The following KRIT1 variants were observed in gnomAD, a reference collection of about 807,000 sequenced individuals.
KRIT1 encodes the protein krev interaction trapped protein 1.
Under a neutral mutation model 95.8 loss-of-function variants are expected in KRIT1, and 45 were observed. The ratio of observed to expected loss-of-function variants is 0.47; its 90% confidence interval spans 0.37 to 0.60. The LOEUF (loss-of-function observed/expected upper bound fraction) is 0.60. KRIT1 is among the 20% of genes least tolerant of loss of function. The pLI, the probability that KRIT1 is intolerant of heterozygous loss-of-function variation, is 0.00. For missense variants in KRIT1, 788 were observed against 877.5 expected, an observed-to-expected ratio of 0.90 and a Z score of 1.29; for synonymous variants, 282 against 278.8, an observed-to-expected ratio of 1.01 and a Z score of -0.11.
intron 3 of KRIT1, among the ~76,000 whole-genome samples, chr7:92,243,672 A>G (rs1800197187): frequency 6.6e-6 from 1 of 152,202 alleles, no homozygotes. Context: ...AATTACCCTA[A>G]GAAGAAATTC....
intron 17 of KRIT1, among the ~76,000 whole-genome samples, chr7:92,203,236 G>A (rs1273089167): frequency 6.6e-6 from 1 of 152,202 alleles, no homozygotes. Context: ...GCAGATGAAG[G>A]TGTTTGCTAT....
In KRIT1 at chr7:92,239,038, A is replaced by G. The variant is rs141445213; in HGVS notation, c.263-1279T>C. Among the ~76,000 whole-genome samples the G allele has an allele frequency of 2.4e-4, 36 of 152,366 alleles. No homozygotes were observed. In the East Asian group the frequency reaches 6.7e-3, roughly 29 times the overall value. ...AATCTTATTACTTCAAAAATATTTC[A>G]TAGATTTAGAAAAACAAATAGGATA... On this transcript the variant is annotated intron_variant, in intron 5 of 18. Transcript: ENST00000394505.
At chr7:92,238,740 C>T (rs945203233) in intron 5 of KRIT1, among the ~76,000 whole-genome samples, 1 of 152,204 alleles carries the variant, frequency 6.6e-6, no homozygotes, top group Non-Finnish European at 1.5e-5. Flanking sequence ...ACTATGAGAT[C>T]TGTCAGTGGG....
chr7:92,216,298 ATAT>A (rs1288996684), intron 14 of KRIT1, among the ~76,000 whole-genome samples: 1 of 150,164 alleles, frequency 6.7e-6, no homozygotes, highest in Non-Finnish European at 1.5e-5. Flanking sequence ...AAAATACTCT[ATAT>A]TATTAAATAT....
chr7:92,221,238 C>T (rs1316357712), intron 14 of KRIT1, among the ~76,000 whole-genome samples: 2 of 152,090 alleles, frequency 1.3e-5, no homozygotes, highest in Non-Finnish European at 2.9e-5. Context: ...GAGTTCAAGA[C>T]CAGCCTGGCC....
chr7:92,218,233 G>A (rs1428371922), intron 14 of KRIT1, among the ~76,000 whole-genome samples: 2 of 130,674 alleles, frequency 1.5e-5, no homozygotes, highest in Admixed American at 7.7e-5. Flanking sequence ...AAAAAACAAA[G>A]ACAAAGACAA....
chr7:92,240,945 T>C (rs1275420557), intron 5 of KRIT1, 48 bp downstream of exon 5: 1 of 1,371,496 alleles, frequency 7.3e-7, no homozygotes, highest in African/African-American at 1.4e-5. Context: ...AGAATCTTTC[T>C]CCACAAGTAT....
At position 92,222,027 on chromosome 7, in the gene KRIT1, G is replaced by T. The variant is rs1290742964; in HGVS notation, c.1438C>A (p.Pro480Thr). ...GGCCAGTCACGAACATGTTGCAAGG[G>T]TTTATGATATGGTTTGAGTTGAAGG... ...LSLQLKPYHK[P>T]LQHVRDWPEI... The change falls in exon 14 of 19, where the codon CCC (proline) becomes ACC (threonine). Residue 480 changes from proline (P) to threonine (T), a missense_variant. Pro to Thr is a conservative substitution (Grantham distance 38). Coordinates refer to ENST00000394505, the MANE Select transcript of KRIT1 (RefSeq NM_194454.3). 3 of 1,613,452 alleles carry T rather than the reference G, an allele frequency of 1.9e-6. No homozygotes were observed. The highest frequency in any genetic ancestry group is 1.7e-6 in the Non-Finnish European group (2 of 1,179,620).
Position 92,236,401 on chromosome 7 carries a change from G to T in KRIT1, c.485+12C>A, listed in dbSNP as rs371895905. 1 of 1,577,270 alleles carries T rather than the reference G, an allele frequency of 6.3e-7. No individual in the cohort carries two copies. The highest frequency in any genetic ancestry group is 8.7e-7 in the Non-Finnish European group (1 of 1,147,788). On this transcript the variant is annotated intron_variant, in intron 7 of 18. Coordinates refer to ENST00000394505, the MANE Select transcript of KRIT1 (RefSeq NM_194454.3). ...TGATTAATTAAAAGATACTTCTAAC[G>T]GCATTTCTTACTTATCCAAGGCTAT...
At chr7:92,226,036 GT>G (rs1194380770) in intron 11 of KRIT1, among the ~76,000 whole-genome samples, 1 of 152,020 alleles carries the variant, frequency 6.6e-6, no homozygotes, top group East Asian at 1.9e-4. Context: ...TGTGATGACT[GT>G]TTTTTTAAAA....
At chr7:92,205,301 AC>A (rs1377340723) in intron 17 of KRIT1, among the ~76,000 whole-genome samples, 2 of 152,092 alleles carry the variant, frequency 1.3e-5, no homozygotes, top group Non-Finnish European at 2.9e-5. Context: ...AGCCAAGATC[AC>A]GCCATTGCAC....
Position 92,208,055 on chromosome 7 carries a change from T to C in KRIT1, c.2025+5140A>G, listed in dbSNP as rs1791953301. Among the ~76,000 whole-genome samples, 7 of 152,066 alleles carry C rather than the reference T, an allele frequency of 4.6e-5. No homozygotes were observed. In the South Asian group the frequency reaches 1.5e-3, roughly 32 times the overall value. ...AACTATAAATCAGTAACAAAAGAAA[T>C]TTTGGGAACTGTACAAATAAAAGGA... is the stretch of plus-strand genomic sequence containing the variant. On this transcript the variant is annotated intron_variant, in intron 17 of 18. Transcript: ENST00000394505.
At chr7:92,227,255 G>A (rs562361263) in intron 10 of KRIT1, among the ~76,000 whole-genome samples, 3 of 152,264 alleles carry the variant, frequency 2.0e-5, no homozygotes, top group South Asian at 2.1e-4. Context: ...GTATGGTAAT[G>A]TTTGTCCATG....
At chr7:92,240,919 T>C in intron 5 of KRIT1, 74 bp downstream of exon 5, 1 of 1,178,570 alleles carries the variant, frequency 8.5e-7, no homozygotes, top group South Asian at 1.2e-5. Flanking sequence ...TGGTTTAATA[T>C]GTGTATATTT....
chr7:92,234,332 A>G, intron 10 of KRIT1, 117 bp downstream of exon 10: 2 of 840,138 alleles, frequency 2.4e-6, no homozygotes, highest in Non-Finnish European at 3.9e-6. Flanking sequence ...GAAAACTCCT[A>G]AGGCAAACAG....
rs569216809 is a variant in KRIT1, at chr7:92,218,910, T to A, written c.1563+2992A>T. ...TGTTGTCATATCTGACTCCACTGCC[T>A]AATCCAAGGTCATGAAGATTTATCC... On this transcript the variant is annotated intron_variant, in intron 14 of 18. Coordinates refer to ENST00000394505, the MANE Select transcript of KRIT1 (RefSeq NM_194454.3). Among the ~76,000 whole-genome samples, 16 of 152,332 alleles carry A rather than the reference T, an allele frequency of 1.1e-4. 1 individual carries two copies. In the South Asian group the frequency reaches 1.5e-3, roughly 14 times the overall value.
intron 17 of KRIT1, among the ~76,000 whole-genome samples, chr7:92,202,814 T>C (rs1790505277): frequency 6.6e-6 from 1 of 152,200 alleles, no homozygotes; most frequent in Non-Finnish European, 1.5e-5. Context: ...GAAAAACTAA[T>C]AGTATCTTTT....
At chr7:92,201,930 C>T (rs1790263154) in intron 17 of KRIT1, among the ~76,000 whole-genome samples, 1 of 152,138 alleles carries the variant, frequency 6.6e-6, no homozygotes. Flanking sequence ...CAGGAGAGTG[C>T]TGTGAGCAAT....
chr7:92,223,492 A>G (rs1158178594), intron 12 of KRIT1, among the ~76,000 whole-genome samples: 1 of 152,032 alleles, frequency 6.6e-6, no homozygotes, highest in Admixed American at 6.6e-5. Context: ...ATTTTCTAAA[A>G]TATTTTCTTC....
Sources: gnomAD v4.1 joint callset for allele counts (sites outside exome capture counted in the v4.1 genomes callset) on GRCh38, gnomAD v4.1.1 for gene constraint, MANE v1.5 for transcripts, NCBI Gene and HGNC (gene_info 2026-07-23, HGNC 2026-07-21) for gene names.